The following EDAR variants were observed in gnomAD, a reference collection of about 807,000 sequenced individuals.
The protein encoded by EDAR is tumor necrosis factor receptor superfamily member EDAR.
A neutral mutation model predicts 51.3 loss-of-function variants in EDAR; 38 were observed. That is an observed-to-expected ratio of 0.74 (90% CI 0.57 to 0.97). The LOEUF (loss-of-function observed/expected upper bound fraction) is 0.97, where lower values mean the gene tolerates loss of function less well. Ranked by LOEUF, EDAR falls within the 50% of genes least tolerant of loss-of-function variation. EDAR has a pLI of 0.00. For missense variants in EDAR, 528 were observed against 595.0 expected (o/e 0.89, Z 1.17); for synonymous variants, 227 against 242.1 (o/e 0.94, Z 0.58).
chr2:108,929,440 G>A (rs1426813025), intron 3 of EDAR, 61 bp from the exon 4 acceptor site: 14 of 1,553,850 alleles, frequency 9.0e-6, no homozygotes, highest in Admixed American at 8.4e-5. Flanking sequence ...ATACGGACTC[G>A]GCCCACAGTC....
intron 1 of EDAR, among the ~76,000 whole-genome samples, chr2:108,981,154 C>T (rs554019186): frequency 5.3e-5 from 8 of 152,306 alleles, no homozygotes; most frequent in South Asian, 2.1e-4. Context: ...GACCTTCCCT[C>T]GGGGAACTGA....
At chr2:108,897,731 C>T (rs1398319008) in intron 11 of EDAR, among the ~76,000 whole-genome samples, 1 of 152,178 alleles carries the variant, frequency 6.6e-6, no homozygotes, top group Non-Finnish European at 1.5e-5. Context: ...GGTTCTTGGG[C>T]TTCACTGTAC....
intron 1 of EDAR, among the ~76,000 whole-genome samples, chr2:108,965,188 A>G (rs1698124253): frequency 6.6e-6 from 1 of 152,128 alleles, no homozygotes; most frequent in Non-Finnish European, 1.5e-5. Context: ...TTTTAATGAC[A>G]ACAAATGGGC....
At chr2:108,910,894 G>A (rs540285589) in intron 7 of EDAR, 44 bp from the exon 8 acceptor site, 1 of 1,613,970 alleles carries the variant, frequency 6.2e-7, no homozygotes, top group Middle Eastern at 1.7e-4. Flanking sequence ...CTCCGACAGG[G>A]GGAGTTGACG....
intron 1 of EDAR, among the ~76,000 whole-genome samples, chr2:108,942,394 G>A (rs1697619938): frequency 3.3e-5 from 5 of 152,224 alleles, no homozygotes; most frequent in Admixed American, 3.3e-4. Flanking sequence ...GGGGCTGAGG[G>A]GAGGAAGGGC....
intron 5 of EDAR, among the ~76,000 whole-genome samples, chr2:108,920,136 G>T (rs920644172): frequency 1.3e-5 from 2 of 152,350 alleles, no homozygotes; most frequent in South Asian, 2.1e-4. Flanking sequence ...GGAAGTGCAG[G>T]CCAGCTCACG....
At chr2:108,977,220 CT>C (rs749903869) in intron 1 of EDAR, among the ~76,000 whole-genome samples, 16 of 152,170 alleles carry the variant, frequency 1.1e-4, no homozygotes, top group Non-Finnish European at 1.6e-4. Context: ...TCAGCACTGC[CT>C]TTGCCGCCGG....
At chr2:108,981,399 G>A (rs1047946720) in intron 1 of EDAR, among the ~76,000 whole-genome samples, 3 of 152,204 alleles carry the variant, frequency 2.0e-5, no homozygotes, top group Admixed American at 1.3e-4. Flanking sequence ...GTTGTCTGGC[G>A]CGTCTTAGGT....
intron 1 of EDAR, among the ~76,000 whole-genome samples, chr2:108,966,767 A>T (rs1338879391): frequency 2.6e-5 from 4 of 152,234 alleles, no homozygotes; most frequent in South Asian, 2.1e-4. Flanking sequence ...GCCAAGTGCC[A>T]GCCCTGGAAG....
At chr2:108,971,405 A>G (rs138698946) in intron 1 of EDAR, among the ~76,000 whole-genome samples, 199 of 152,028 alleles carry the variant, frequency 1.3e-3, no homozygotes, top group African/African-American at 4.7e-3. Context: ...CCCCCAGGTG[A>G]TTTGCGTGCA....
At chr2:108,943,502 C>A (rs1697648670) in intron 1 of EDAR, among the ~76,000 whole-genome samples, 1 of 152,202 alleles carries the variant, frequency 6.6e-6, no homozygotes, top group African/African-American at 2.4e-5. Flanking sequence ...ACTACCGAAG[C>A]CCTGGACAAA....
intron 1 of EDAR, among the ~76,000 whole-genome samples, chr2:108,988,741 G>A (rs1444438381): frequency 6.6e-6 from 1 of 152,192 alleles, no homozygotes; most frequent in Non-Finnish European, 1.5e-5. Flanking sequence ...GCAACCAACA[G>A]CAAAACAGGG....
At chr2:108,898,430 A>G (rs1696640469) in intron 11 of EDAR, among the ~76,000 whole-genome samples, 1 of 152,222 alleles carries the variant, frequency 6.6e-6, no homozygotes, top group South Asian at 2.1e-4. Flanking sequence ...CAGTAGCAAG[A>G]CAGCACCCTC....
At chr2:108,908,159 C>A in intron 9 of EDAR, 140 bp from the exon 10 acceptor site, 1 of 933,710 alleles carries the variant, frequency 1.1e-6, no homozygotes, top group East Asian at 2.7e-5. Context: ...TTACTGGGCA[C>A]CTTGTGGGCA....
chr2:108,924,519 A>G (rs1291885159), intron 4 of EDAR, among the ~76,000 whole-genome samples: 1 of 152,192 alleles, frequency 6.6e-6, no homozygotes, highest in East Asian at 1.9e-4. Context: ...CTGGGATGAG[A>G]AGGAATATTT....
At chr2:108,965,146 T>G (rs10167870) in intron 1 of EDAR, among the ~76,000 whole-genome samples, 4,219 of 152,198 alleles carry the variant, frequency 0.028, 184 homozygotes, top group African/African-American at 0.096. Context: ...TGGTATTTAT[T>G]TTTTGAGTGT....
At position 108,912,665 on chromosome 2, in the gene EDAR, G is replaced by A; in HGVS notation, c.529+13C>T. ...CTAACTCCAGGTGATCGATACCTGA[G>A]CACCCTCCTCACCTTTGTGGGCGTG... On this transcript the variant is annotated intron_variant, in intron 6 of 11. Transcript: ENST00000258443. The A allele has an allele frequency of 6.3e-7, 1 of 1,575,910 alleles. No individual in the cohort carries two copies. Among genetic ancestry groups the A allele is most frequent in the Non-Finnish European group, 8.6e-7 (1 of 1,159,870 alleles).
At chr2:108,937,176 A>G (rs547251000) in intron 1 of EDAR, among the ~76,000 whole-genome samples, 1 of 152,348 alleles carries the variant, frequency 6.6e-6, no homozygotes, top group East Asian at 1.9e-4. Context: ...ACAGCATCAC[A>G]TGGGGGTTTA....
At chr2:108,980,373 A>T (rs1277209103) in intron 1 of EDAR, among the ~76,000 whole-genome samples, 3 of 151,968 alleles carry the variant, frequency 2.0e-5, no homozygotes. Context: ...AACTGCCACT[A>T]ATGCTCTGGT....
Sources: gnomAD v4.1 joint callset for allele counts (sites outside exome capture counted in the v4.1 genomes callset) on GRCh38, gnomAD v4.1.1 for gene constraint, MANE v1.5 for transcripts, NCBI Gene and HGNC (gene_info 2026-07-23, HGNC 2026-07-21) for gene names.